The following HDAC9 variants were observed in gnomAD, a reference collection of about 807,000 sequenced individuals.
HDAC9 encodes histone deacetylase 9.
In HDAC9, 41 loss-of-function variants were observed where a neutral mutation model predicts 139.4. The ratio of observed to expected loss-of-function variants is 0.29; its 90% confidence interval spans 0.23 to 0.38. The LOEUF is 0.38. HDAC9 is among the 10% of genes least tolerant of loss of function. HDAC9 has a pLI of 1.00. For missense variants in HDAC9, 1,147 were observed against 1,297.0 expected, an observed-to-expected ratio of 0.88 and a Z score of 1.78; for synonymous variants, 517 against 476.2, an observed-to-expected ratio of 1.09 and a Z score of -1.12.
chr7:18,434,494 A>G (rs1362462897), intron 1 of HDAC9, among the ~76,000 whole-genome samples: 1 of 152,224 alleles, frequency 6.6e-6, no homozygotes, highest in Non-Finnish European at 1.5e-5. Context: ...CAAACTATGC[A>G]TGCAACAAAG....
intron 22 of HDAC9, among the ~76,000 whole-genome samples, chr7:18,901,344 T>C (rs1486187920): frequency 1.3e-5 from 2 of 151,756 alleles, no homozygotes; most frequent in Non-Finnish European, 2.9e-5. Flanking sequence ...AATTAAAATA[T>C]CTCAGAGTTA....
intron 1 of HDAC9, among the ~76,000 whole-genome samples, chr7:18,149,502 C>T (rs944843722): frequency 4.0e-5 from 6 of 150,070 alleles, no homozygotes; most frequent in Non-Finnish European, 5.9e-5. Context: ...ACTACAGGCA[C>T]GTACCACCAT....
chr7:18,091,088 T>G (rs1358289031), intron 1 of HDAC9, among the ~76,000 whole-genome samples: 1 of 152,228 alleles, frequency 6.6e-6, no homozygotes, highest in Non-Finnish European at 1.5e-5. Context: ...TATGCAAGTA[T>G]TTTTGAATAA....
chr7:18,594,099 T>C, intron 6 of HDAC9, 70 bp downstream of exon 6: 1 of 1,541,504 alleles, frequency 6.5e-7, no homozygotes, highest in Non-Finnish European at 8.9e-7. Flanking sequence ...TTGCCACACC[T>C]CTAGAAGAAA....
At chr7:18,483,619 A>T (rs1389085606) in intron 1 of HDAC9, among the ~76,000 whole-genome samples, 1 of 152,168 alleles carries the variant, frequency 6.6e-6, no homozygotes, top group African/African-American at 2.4e-5. Context: ...ATTCTAGAAA[A>T]TTTTAAATTG....
chr7:18,319,007 C>T (rs140165914), intron 1 of HDAC9, among the ~76,000 whole-genome samples: 3 of 152,214 alleles, frequency 2.0e-5, no homozygotes, highest in Non-Finnish European at 2.9e-5. Flanking sequence ...TCTGCATTTC[C>T]GGGGGATTCC....
At chr7:18,849,372 C>T (rs1377224953) in intron 21 of HDAC9, among the ~76,000 whole-genome samples, 2 of 152,088 alleles carry the variant, frequency 1.3e-5, no homozygotes, top group East Asian at 1.9e-4. Flanking sequence ...GTGTCAGTTT[C>T]CTTTGCTATG....
intron 22 of HDAC9, among the ~76,000 whole-genome samples, chr7:18,918,779 G>A (rs981273655): frequency 2.6e-5 from 4 of 152,026 alleles, no homozygotes; most frequent in African/African-American, 7.2e-5. Flanking sequence ...AGTATCCAAA[G>A]AACCTGCTTT....
At chr7:18,730,145 C>G (rs1785918624) in intron 13 of HDAC9, among the ~76,000 whole-genome samples, 1 of 152,176 alleles carries the variant, frequency 6.6e-6, no homozygotes, top group South Asian at 2.1e-4. Flanking sequence ...TCTCCACTGG[C>G]ATTGGGATTA....
intron 8 of HDAC9, among the ~76,000 whole-genome samples, chr7:18,643,364 C>A (rs1365928799): frequency 6.6e-6 from 1 of 152,072 alleles, no homozygotes; most frequent in Non-Finnish European, 1.5e-5. Context: ...TTTCAACATA[C>A]CTCTTGGTTT....
intron 1 of HDAC9, among the ~76,000 whole-genome samples, chr7:18,326,772 T>C (rs1400573764): frequency 1.3e-5 from 2 of 152,030 alleles, no homozygotes; most frequent in African/African-American, 2.4e-5. Flanking sequence ...TATTTCTTTC[T>C]AGAAGCTATT....
At chr7:18,230,301 A>G (rs1258014540) in intron 2 of HDAC9, among the ~76,000 whole-genome samples, 1 of 152,170 alleles carries the variant, frequency 6.6e-6, no homozygotes, top group Non-Finnish European at 1.5e-5. Flanking sequence ...AAAAACTGTT[A>G]ATAGTTTCAA....
intron 22 of HDAC9, among the ~76,000 whole-genome samples, chr7:18,877,723 AT>A (rs904027881): frequency 2.0e-5 from 3 of 152,174 alleles, no homozygotes; most frequent in African/African-American, 7.2e-5. Flanking sequence ...AAAAATAATA[AT>A]AAAAGGTTGG....
intron 12 of HDAC9, among the ~76,000 whole-genome samples, chr7:18,722,385 G>C (rs576956338): frequency 1.6e-4 from 24 of 152,208 alleles, no homozygotes; most frequent in African/African-American, 5.8e-4. Flanking sequence ...GTTAACTTGG[G>C]TATTTATCTA....
intron 22 of HDAC9, among the ~76,000 whole-genome samples, chr7:18,877,037 A>T (rs953468435): frequency 2.6e-5 from 4 of 152,150 alleles, no homozygotes; most frequent in Admixed American, 6.6e-5. Flanking sequence ...TACAGAGAAC[A>T]TATTAGTGCC....
chr7:18,689,165 C>T (rs1261895704), intron 12 of HDAC9, among the ~76,000 whole-genome samples: 1 of 151,844 alleles, frequency 6.6e-6, no homozygotes, highest in African/African-American at 2.4e-5. Context: ...ACTGGCCTAA[C>T]CTTGGAGAAG....
intron 2 of HDAC9, among the ~76,000 whole-genome samples, chr7:18,559,652 G>C (rs1166744086): frequency 2.0e-5 from 3 of 152,134 alleles, no homozygotes; most frequent in African/African-American, 4.8e-5. Flanking sequence ...CTACACTGGT[G>C]TTCAGTTATT....
chr7:18,827,063 G>C (rs1795502153), intron 17 of HDAC9, among the ~76,000 whole-genome samples: 1 of 151,154 alleles, frequency 6.6e-6, no homozygotes, highest in Admixed American at 6.6e-5. Flanking sequence ...GACAAGCCTG[G>C]GCAACATAGC....
At chr7:18,986,810 G>A (rs1785397074) in intron 25 of HDAC9, among the ~76,000 whole-genome samples, 1 of 151,976 alleles carries the variant, frequency 6.6e-6, no homozygotes, top group Non-Finnish European at 1.5e-5. Flanking sequence ...TGGATTCCTA[G>A]GTATTTTATT....
Sources: allele counts gnomAD v4.1 joint callset (sites outside exome capture counted in the v4.1 genomes callset), GRCh38; gene constraint gnomAD v4.1.1; transcripts MANE v1.5; gene names NCBI Gene and HGNC (gene_info 2026-07-23, HGNC 2026-07-21).